The following DLG2 variants were observed in gnomAD, a reference collection of about 807,000 sequenced individuals.
The protein encoded by DLG2 is disks large homolog 2.
DLG2 carries 45 observed loss-of-function variants against 132.5 expected under a neutral mutation model. That is an observed-to-expected ratio of 0.34 (90% CI 0.27 to 0.44). The LOEUF is 0.44. Among genes scored for constraint, DLG2 ranks in the 20% least tolerant of loss-of-function variants. DLG2 has a pLI of 1.00. For missense variants in DLG2, 1,045 were observed against 1,196.9 expected, an observed-to-expected ratio of 0.87 and a Z score of 1.87; for synonymous variants, 424 against 419.6, an observed-to-expected ratio of 1.01 and a Z score of -0.13.
intron 6 of DLG2, among the ~76,000 whole-genome samples, chr11:84,731,176 T>C (rs1368154909): frequency 6.6e-6 from 1 of 152,140 alleles, no homozygotes; most frequent in Non-Finnish European, 1.5e-5. Flanking sequence ...GCATTGTATT[T>C]GCTTTAGTTA....
At chr11:85,469,307 T>C (rs1470314452) in intron 3 of DLG2, 1 of 152,222 alleles carries the variant, frequency 6.6e-6, no homozygotes, top group East Asian at 1.9e-4. Context: ...TGGCTCCTTG[T>C]TGTGCAAATA....
chr11:84,784,753 G>T (rs1175049706), intron 6 of DLG2, among the ~76,000 whole-genome samples: 1 of 152,026 alleles, frequency 6.6e-6, no homozygotes, highest in East Asian at 1.9e-4. Context: ...TCAAAAAAAT[G>T]ATCTTATATA....
At chr11:83,461,069 C>T (rs1208444947) in intron 27 of DLG2, among the ~76,000 whole-genome samples, 2 of 140,742 alleles carry the variant, frequency 1.4e-5, no homozygotes, top group African/African-American at 5.4e-5. Flanking sequence ...AGTGCAGTAG[C>T]ACGATCTCGG....
At chr11:84,526,070 G>A (rs76112173) in intron 7 of DLG2, among the ~76,000 whole-genome samples, 7,680 of 151,708 alleles carry the variant, frequency 0.051, 231 homozygotes, top group South Asian at 0.08. Context: ...TTTATTGTAC[G>A]CTCCAAAAGT....
intron 3 of DLG2, among the ~76,000 whole-genome samples, chr11:85,506,420 T>G (rs1341159165): frequency 3.3e-5 from 5 of 152,232 alleles, no homozygotes; most frequent in African/African-American, 4.8e-5. Flanking sequence ...GTTGTGTCTT[T>G]GTTCTCATTG....
rs1117091 is a variant in DLG2 at position 85,534,872 on chromosome 11, G to A, written c.40+63785C>T. On this transcript the variant is annotated intron_variant, in intron 3 of 27. Coordinates refer to ENST00000376104, the MANE Select transcript of DLG2 (RefSeq NM_001142699.3). ...ATGTATGCAATAATGGGATTGCTGC[G>A]TTGGATGGCGATTCTATTTTCAGTT... 8.1e-3 allele frequency among the ~76,000 whole-genome samples: 1,236 copies of A among 152,290 alleles called. 12 individuals are homozygous for A. Among genetic ancestry groups the A allele is most frequent in the Non-Finnish European group, 9.1e-3 (620 of 68,040 alleles).
At chr11:84,201,808 CTTTTTTTTTTTTTTTTT>C (rs58905339) in intron 8 of DLG2, among the ~76,000 whole-genome samples, 2 of 64,584 alleles carry the variant, frequency 3.1e-5, no homozygotes, top group East Asian at 4.9e-4. Context: ...AAACTATTTT[CTTTTTTTTTTTTTTTTT>C]TTTTTTTTTT....
At chr11:84,794,202 T>C (rs1305087301) in intron 6 of DLG2, among the ~76,000 whole-genome samples, 1 of 152,256 alleles carries the variant, frequency 6.6e-6, no homozygotes, top group Non-Finnish European at 1.5e-5. Context: ...AGACCTACTA[T>C]TGATAGCCCA....
At chr11:83,648,249 A>G (rs562691750) in intron 18 of DLG2, among the ~76,000 whole-genome samples, 1 of 152,288 alleles carries the variant, frequency 6.6e-6, no homozygotes, top group East Asian at 1.9e-4. Flanking sequence ...AGGAAGTACA[A>G]AGAGGATGGT....
chr11:84,078,716 T>C (rs1406662697), intron 10 of DLG2, among the ~76,000 whole-genome samples: 3 of 152,172 alleles, frequency 2.0e-5, no homozygotes, highest in Non-Finnish European at 2.9e-5. Flanking sequence ...CTAACCTACA[T>C]TAAAAGTCTG....
At chr11:85,343,825 C>G (rs960596471) in intron 3 of DLG2, among the ~76,000 whole-genome samples, 1 of 152,100 alleles carries the variant, frequency 6.6e-6, no homozygotes, top group African/African-American at 2.4e-5. Flanking sequence ...GTAAATGTTG[C>G]TATTAGGTGA....
chr11:85,011,724 A>G (rs960643099), intron 6 of DLG2, among the ~76,000 whole-genome samples: 24 of 152,166 alleles, frequency 1.6e-4, no homozygotes, highest in Non-Finnish European at 3.5e-4. Context: ...ATGCAGTTCA[A>G]GTTTATTTTA....
intron 10 of DLG2, among the ~76,000 whole-genome samples, chr11:84,076,287 G>A (rs1372867669): frequency 3.9e-5 from 6 of 152,174 alleles, no homozygotes; most frequent in Non-Finnish European, 7.4e-5. Flanking sequence ...AGAGAAAGGA[G>A]ATCAGACAGA....
At chr11:84,458,105 A>G (rs1602479782) in intron 7 of DLG2, among the ~76,000 whole-genome samples, 1 of 150,888 alleles carries the variant, frequency 6.6e-6, no homozygotes, top group African/African-American at 2.4e-5. Context: ...GCTACTAATT[A>G]TAATTTTCCT....
intron 7 of DLG2, among the ~76,000 whole-genome samples, chr11:84,528,326 C>G (rs1420059484): frequency 6.6e-6 from 1 of 152,228 alleles, no homozygotes; most frequent in Non-Finnish European, 1.5e-5. Flanking sequence ...CAATCCCACA[C>G]TTCACACTGG....
At chr11:84,374,051 T>G (rs1347725300) in intron 7 of DLG2, among the ~76,000 whole-genome samples, 1 of 152,202 alleles carries the variant, frequency 6.6e-6, no homozygotes, top group African/African-American at 2.4e-5. Context: ...AAAAATTATT[T>G]GCTTTAATGA....
intron 6 of DLG2, among the ~76,000 whole-genome samples, chr11:84,909,976 G>A (rs891796113): frequency 2.0e-5 from 3 of 152,188 alleles, no homozygotes; most frequent in African/African-American, 7.2e-5. Context: ...TAGCCCTGAA[G>A]GAGGGGATAA....
intron 3 of DLG2, among the ~76,000 whole-genome samples, chr11:85,426,159 C>G (rs1160503965): frequency 6.6e-6 from 1 of 152,168 alleles, no homozygotes; most frequent in African/African-American, 2.4e-5. Context: ...CTGGGTAGAG[C>G]CCACCGCAGC....
At chr11:83,690,022 ATATT>A (rs1231731410) in intron 18 of DLG2, among the ~76,000 whole-genome samples, 2 of 145,642 alleles carry the variant, frequency 1.4e-5, no homozygotes, top group East Asian at 2.0e-4. Flanking sequence ...TATTTAATAA[ATATT>A]TATGTAAATA....
Sources: allele counts gnomAD v4.1 joint callset (sites outside exome capture counted in the v4.1 genomes callset), GRCh38; gene constraint gnomAD v4.1.1; transcripts MANE v1.5; gene names NCBI Gene and HGNC (gene_info 2026-07-23, HGNC 2026-07-21).